The following IGSF21 variants were observed in gnomAD, a reference collection of about 807,000 sequenced individuals.
IGSF21 encodes the protein immunoglobulin superfamily member 21.
Under a neutral mutation model 46.8 loss-of-function variants are expected in IGSF21, and 28 were observed. The observed-to-expected ratio is 0.60, with a 90% CI of 0.44 to 0.82. The LOEUF (loss-of-function observed/expected upper bound fraction) is 0.82. Among genes scored for constraint, IGSF21 ranks in the 40% least tolerant of loss-of-function variants. The pLI, the probability that IGSF21 is intolerant of heterozygous loss-of-function variation, is 0.00. For missense variants in IGSF21, 624 were observed against 665.5 expected (o/e 0.94, Z 0.69); for synonymous variants, 284 against 273.6 (o/e 1.04, Z -0.38).
chr1:18,342,351 C>T (rs928036638), intron 4 of IGSF21, among the ~76,000 whole-genome samples: 1 of 152,196 alleles, frequency 6.6e-6, no homozygotes, highest in African/African-American at 2.4e-5. Flanking sequence ...GCCTCGGCCC[C>T]CCAAAGTGCT....
chr1:18,129,211 G>A (rs2086298126), intron 1 of IGSF21, among the ~76,000 whole-genome samples: 1 of 152,164 alleles, frequency 6.6e-6, no homozygotes, highest in African/African-American at 2.4e-5. Flanking sequence ...AGGTGCCTGG[G>A]TCAGGAAAAG....
intron 2 of IGSF21, among the ~76,000 whole-genome samples, chr1:18,285,354 G>C (rs535968957): frequency 3.3e-5 from 5 of 152,218 alleles, no homozygotes; most frequent in South Asian, 2.1e-4. Context: ...GACTCTACTT[G>C]AAAAGCAACC....
At chr1:18,140,267 C>T (rs2124424550) in intron 1 of IGSF21, among the ~76,000 whole-genome samples, 1 of 152,354 alleles carries the variant, frequency 6.6e-6, no homozygotes, top group African/African-American at 2.4e-5. Context: ...GGTGTATCTT[C>T]TACCCTGTCT....
At chr1:18,306,206 C>G (rs998560578) in intron 3 of IGSF21, among the ~76,000 whole-genome samples, 7 of 152,206 alleles carry the variant, frequency 4.6e-5, no homozygotes, top group Non-Finnish European at 2.9e-5. Context: ...ATCTCCTACC[C>G]TCTCCCTCTT....
intron 6 of IGSF21, among the ~76,000 whole-genome samples, chr1:18,372,938 C>T (rs2086243633): frequency 6.6e-6 from 1 of 151,894 alleles, no homozygotes. Flanking sequence ...ATCCAGAATT[C>T]CTAGGGGAAA....
intron 4 of IGSF21, among the ~76,000 whole-genome samples, chr1:18,359,924 G>A (rs1471980072): frequency 6.6e-6 from 1 of 152,214 alleles, no homozygotes; most frequent in African/African-American, 2.4e-5. Flanking sequence ...CTGGGCTCTG[G>A]AGTCAGACTG....
chr1:18,192,610 G>A (rs538305099), intron 1 of IGSF21, among the ~76,000 whole-genome samples: 9 of 152,272 alleles, frequency 5.9e-5, no homozygotes, highest in African/African-American at 2.2e-4. Flanking sequence ...CATATGCACC[G>A]GGATCCTATG....
intron 1 of IGSF21, among the ~76,000 whole-genome samples, chr1:18,201,583 G>A (rs1409803861): frequency 6.6e-6 from 1 of 152,092 alleles, no homozygotes; most frequent in Non-Finnish European, 1.5e-5. Flanking sequence ...CCTCCTTCAC[G>A]CTGGTGAGGG....
chr1:18,320,560 T>C (rs1197631088), intron 3 of IGSF21, among the ~76,000 whole-genome samples: 1 of 152,192 alleles, frequency 6.6e-6, no homozygotes, highest in Non-Finnish European at 1.5e-5. Context: ...AGGCCTCCTG[T>C]GGGGGCCCCA....
intron 1 of IGSF21, among the ~76,000 whole-genome samples, chr1:18,138,980 G>A (rs970648805): frequency 1.3e-5 from 2 of 152,192 alleles, no homozygotes; most frequent in African/African-American, 4.8e-5. Context: ...CACCTGCTGA[G>A]TGCCAGCCAG....
intron 1 of IGSF21, among the ~76,000 whole-genome samples, chr1:18,140,627 C>T (rs565212269): frequency 1.3e-5 from 2 of 152,314 alleles, no homozygotes; most frequent in African/African-American, 4.8e-5. Flanking sequence ...CCTGCTGTGC[C>T]CTCTGCCTGG....
At chr1:18,256,504 G>T (rs2124532417) in intron 2 of IGSF21, among the ~76,000 whole-genome samples, 1 of 152,244 alleles carries the variant, frequency 6.6e-6, no homozygotes, top group African/African-American at 2.4e-5. Context: ...AGAGCTGTCC[G>T]TGGTGCTGAT....
At chr1:18,275,001 T>C (rs2085085600) in intron 2 of IGSF21, among the ~76,000 whole-genome samples, 1 of 151,896 alleles carries the variant, frequency 6.6e-6, no homozygotes, top group African/African-American at 2.4e-5. Context: ...CACTCCAGCC[T>C]GGGTGATAGA....
chr1:18,283,056 ACCT>A (rs1369964667), intron 2 of IGSF21, among the ~76,000 whole-genome samples: 4 of 152,012 alleles, frequency 2.6e-5, no homozygotes, highest in African/African-American at 9.7e-5. Flanking sequence ...AGTGGCACAC[ACCT>A]CCTCACACTT....
intron 3 of IGSF21, among the ~76,000 whole-genome samples, chr1:18,299,103 G>C (rs1249501109): frequency 6.6e-6 from 1 of 152,196 alleles, no homozygotes; most frequent in East Asian, 1.9e-4. Flanking sequence ...ATTTGAAGTG[G>C]TTCTAGAGGC....
intron 1 of IGSF21, among the ~76,000 whole-genome samples, chr1:18,137,312 A>T (rs2086375363): frequency 6.6e-6 from 1 of 152,186 alleles, no homozygotes; most frequent in African/African-American, 2.4e-5. Context: ...CTGTCCCATG[A>T]TCCAATCACC....
intron 2 of IGSF21, among the ~76,000 whole-genome samples, chr1:18,234,007 A>G (rs1461360642): frequency 6.6e-6 from 1 of 152,192 alleles, no homozygotes; most frequent in Non-Finnish European, 1.5e-5. Context: ...AATACAGTCC[A>G]ACCATATCAT....
intron 1 of IGSF21, among the ~76,000 whole-genome samples, chr1:18,148,447 T>C (rs1298623994): frequency 3.3e-5 from 5 of 152,168 alleles, no homozygotes. Flanking sequence ...TATGTCTTTA[T>C]TAGCAGCATG....
intron 2 of IGSF21, among the ~76,000 whole-genome samples, chr1:18,283,704 A>G (rs1237731218): frequency 6.6e-6 from 1 of 151,438 alleles, no homozygotes; most frequent in Non-Finnish European, 1.5e-5. Context: ...TCCCTAGAAT[A>G]CCTACTCCCT....
Sources: gnomAD v4.1 joint callset for allele counts (sites outside exome capture counted in the v4.1 genomes callset) on GRCh38, gnomAD v4.1.1 for gene constraint, MANE v1.5 for transcripts, NCBI Gene and HGNC (gene_info 2026-07-23, HGNC 2026-07-21) for gene names.